The following ADAMTSL1 variants were observed in gnomAD, a reference collection of about 807,000 sequenced individuals.
ADAMTSL1 encodes the protein ADAMTS like 1.
ADAMTSL1 carries 126 observed loss-of-function variants against 201.8 expected under a neutral mutation model. The observed-to-expected ratio is 0.62, with a 90% CI of 0.54 to 0.72. The LOEUF is 0.72. Ranked by LOEUF, ADAMTSL1 falls within the 30% of genes least tolerant of loss-of-function variation. The probability of loss-of-function intolerance (pLI) is 0.00; values close to 1 mark genes in which losing one functional copy is unlikely to be tolerated. For synonymous variants in ADAMTSL1, 1,121 were observed against 903.4 expected (o/e 1.24, Z -4.32); for missense variants, 2,679 against 2,277.8 (o/e 1.18, Z -3.59).
chr9:17,917,887 G>A (rs1826160768), intron 1 of ADAMTSL1, among the ~76,000 whole-genome samples: 1 of 151,862 alleles, frequency 6.6e-6, no homozygotes, highest in Non-Finnish European at 1.5e-5. Flanking sequence ...ATTTCATCTT[G>A]AGTTAGCTTT....
chr9:18,899,332 T>C (rs571590598), intron 26 of ADAMTSL1, among the ~76,000 whole-genome samples: 20 of 152,344 alleles, frequency 1.3e-4, no homozygotes, highest in African/African-American at 4.6e-4. Flanking sequence ...TTCATGCTCA[T>C]TGATAGGAAA....
intron 2 of ADAMTSL1, among the ~76,000 whole-genome samples, chr9:18,182,837 G>C (rs1017673658): frequency 3.9e-5 from 6 of 152,168 alleles, no homozygotes; most frequent in African/African-American, 7.2e-5. Context: ...TGATTCCACA[G>C]TCCATAGTCC....
intron 5 of ADAMTSL1, among the ~76,000 whole-genome samples, chr9:18,628,035 A>T (rs1391105217): frequency 6.6e-6 from 1 of 152,196 alleles, no homozygotes; most frequent in Non-Finnish European, 1.5e-5. Flanking sequence ...TATTTTCTCC[A>T]TCATAGCTTT....
chr9:18,905,723 G>T, intron 26 of ADAMTSL1, 59 bp from the exon 27 acceptor site: 1 of 1,382,738 alleles, frequency 7.2e-7, no homozygotes, highest in Admixed American at 1.9e-5. Flanking sequence ...GCCCAAGCAC[G>T]GCGGCCTCCA....
intron 2 of ADAMTSL1, among the ~76,000 whole-genome samples, chr9:18,196,788 T>C (rs1055260859): frequency 1.3e-5 from 2 of 152,068 alleles, no homozygotes; most frequent in African/African-American, 2.4e-5. Flanking sequence ...ACCAAACTCC[T>C]TTGCACCTTA....
At position 18,578,885 on chromosome 9, in the gene ADAMTSL1, C is replaced by T. The variant is rs552370298; in HGVS notation, c.474+4619C>T. On this transcript the variant is annotated intron_variant, in intron 4 of 28. Coordinates refer to ENST00000380548, the MANE Select transcript of ADAMTSL1 (RefSeq NM_001040272.6). ...TCCTATTTCTCCACATCCTCTCCAG[C>T]ACCTGTTGTTTCCTGACTTTTTAAT... 2.6e-5 allele frequency among the ~76,000 whole-genome samples: 4 copies of T among 151,200 alleles called. No homozygotes were observed. The East Asian group carries it at 7.8e-4, about 29-fold the overall frequency.
chr9:18,277,871 C>T lies in ADAMTSL1; in HGVS notation c.207+113890C>T, dbSNP rs563778040. ...GGAACAAGTAATTTATTCTATTATT[C>T]CTCTCTTGTTGTCTTCCTTTGTGAT... On this transcript the variant is annotated intron_variant, in intron 2 of 29. Transcript: ENST00000680146. 3.3e-5 allele frequency among the ~76,000 whole-genome samples: 5 copies of T among 152,076 alleles called. No individual in the cohort carries two copies. The East Asian group carries it at 5.8e-4, about 18-fold the overall frequency.
intron 2 of ADAMTSL1, among the ~76,000 whole-genome samples, chr9:18,320,079 G>C (rs1033195418): frequency 6.6e-6 from 1 of 152,152 alleles, no homozygotes; most frequent in East Asian, 1.9e-4. Flanking sequence ...AAGGAGACAG[G>C]GACGTTCATC....
intron 1 of ADAMTSL1, among the ~76,000 whole-genome samples, chr9:18,069,982 GA>G (rs1171742533): frequency 6.6e-6 from 1 of 152,164 alleles, no homozygotes; most frequent in African/African-American, 2.4e-5. Flanking sequence ...TTGTCATGGG[GA>G]GATTAGGAAT....
intron 2 of ADAMTSL1, among the ~76,000 whole-genome samples, chr9:18,305,556 C>CG (rs1408036639): frequency 2.6e-5 from 4 of 152,174 alleles, no homozygotes; most frequent in Non-Finnish European, 5.9e-5. Context: ...CTTGAGTAGG[C>CG]GGTTTTCCCC....
chr9:18,129,666 T>C (rs1347749746), intron 1 of ADAMTSL1, among the ~76,000 whole-genome samples: 2 of 152,198 alleles, frequency 1.3e-5, no homozygotes, highest in African/African-American at 2.4e-5. Flanking sequence ...AGTAACAAGA[T>C]ATTAAAGTAC....
intron 13 of ADAMTSL1, among the ~76,000 whole-genome samples, chr9:18,692,824 C>G (rs1377473579): frequency 6.6e-6 from 1 of 152,160 alleles, no homozygotes; most frequent in African/African-American, 2.4e-5. Context: ...GCATTGTAAG[C>G]TGTGATGGCA....
intron 1 of ADAMTSL1, among the ~76,000 whole-genome samples, chr9:17,950,587 A>G (rs1044998916): frequency 2.0e-5 from 3 of 151,794 alleles, no homozygotes; most frequent in African/African-American, 7.2e-5. Context: ...TTTATGTCAC[A>G]CTATACTTTT....
At chr9:18,874,221 G>T (rs939005286) in intron 23 of ADAMTSL1, among the ~76,000 whole-genome samples, 7 of 152,038 alleles carry the variant, frequency 4.6e-5, no homozygotes, top group African/African-American at 1.7e-4. Flanking sequence ...CTAGGTATAT[G>T]ATTATATCAT....
At chr9:18,515,923 G>T (rs774192057) in intron 2 of ADAMTSL1, among the ~76,000 whole-genome samples, 2 of 151,984 alleles carry the variant, frequency 1.3e-5, no homozygotes, top group Non-Finnish European at 2.9e-5. Flanking sequence ...GTTGGTGAAT[G>T]ACCAGGTTAA....
chr9:18,196,756 C>T (rs541695949), intron 2 of ADAMTSL1, among the ~76,000 whole-genome samples: 1 of 152,104 alleles, frequency 6.6e-6, no homozygotes, highest in Non-Finnish European at 1.5e-5. Flanking sequence ...TGCTTACTAA[C>T]CCTAGTCCTT....
At chr9:18,454,010 A>G (rs578042258) in intron 2 of ADAMTSL1, among the ~76,000 whole-genome samples, 11 of 152,354 alleles carry the variant, frequency 7.2e-5, no homozygotes, top group African/African-American at 2.6e-4. Context: ...ATCTGCCTAT[A>G]GATAGACAGA....
intron 2 of ADAMTSL1, among the ~76,000 whole-genome samples, chr9:18,268,656 G>A (rs1832233281): frequency 6.6e-6 from 1 of 152,144 alleles, no homozygotes; most frequent in Admixed American, 6.6e-5. Context: ...AAGGGCAGTA[G>A]AGTCCTCTCT....
intron 2 of ADAMTSL1, among the ~76,000 whole-genome samples, chr9:18,229,510 C>G (rs1830563493): frequency 6.6e-6 from 1 of 151,828 alleles, no homozygotes; most frequent in Non-Finnish European, 1.5e-5. Context: ...TAAAAAAACT[C>G]TTCTCTAAAG....
Sources: allele counts gnomAD v4.1 joint callset (sites outside exome capture counted in the v4.1 genomes callset), GRCh38; gene constraint gnomAD v4.1.1; transcripts MANE v1.5; gene names NCBI Gene and HGNC (gene_info 2026-07-23, HGNC 2026-07-21).